TLR6: variants seen among roughly 807,000 people sequenced by gnomAD.
The protein encoded by TLR6 is toll like receptor 6.
TLR6 carries 9 observed loss-of-function variants against 16.1 expected under a neutral mutation model. The ratio of observed to expected loss-of-function variants is 0.56; its 90% CI spans 0.34 to 0.98. The LOEUF (loss-of-function observed/expected upper bound fraction) is 0.98, where lower values mean the gene tolerates loss of function less well. Ranked by LOEUF, TLR6 falls within the 50% of genes least tolerant of loss-of-function variation. The pLI is 0.02. For missense variants in TLR6, 786 were observed against 921.0 expected (o/e 0.85, Z 1.90); for synonymous variants, 340 against 338.6 (o/e 1.00, Z -0.04).
rs1259910398 is a variant in TLR6 at position 38,827,229 on chromosome 4, G to A, written c.2245C>T (p.His749Tyr). 6.2e-7 allele frequency: 1 copy of A among 1,614,042 alleles called. No homozygotes were observed. Among genetic ancestry groups the A allele is most frequent in the Admixed American group, 1.7e-5 (1 of 60,000 alleles). The stretch of plus-strand genomic sequence containing the variant: ...TGCGTCATGAGAGCCTTCAGCTTGT[G>A]GTACTTGTTGGGAATGCTGTTCTGT... Residue 749 changes from histidine to tyrosine, a missense_variant, in exon 2 of 2, where the codon CAC becomes TAC. By Grantham distance (83) the His-to-Tyr change is moderately conservative. Coordinates refer to ENST00000436693, the Ensembl canonical transcript of TLR6.
chr4:38,860,373 G>A (rs565831623), upstream of TLR6, among the ~76,000 whole-genome samples: 1 of 152,202 alleles, frequency 6.6e-6, no homozygotes, highest in African/African-American at 2.4e-5. Flanking sequence ...TCAGGAGCCT[G>A]AGGCACGAGA....
intron 1 of TLR6, among the ~76,000 whole-genome samples, chr4:38,847,061 C>A (rs1380331691): frequency 6.6e-6 from 1 of 152,050 alleles, no homozygotes; most frequent in African/African-American, 2.4e-5. Context: ...CTATCATTAA[C>A]AAGTCTATAA....
downstream of TLR6, among the ~76,000 whole-genome samples, chr4:38,823,102 C>T (rs1008775080): frequency 2.6e-5 from 4 of 152,128 alleles, no homozygotes; most frequent in Non-Finnish European, 5.9e-5. Flanking sequence ...GGAAAAGACC[C>T]GCCCCCATGA....
the TLR6 span, among the ~76,000 whole-genome samples, chr4:38,862,995 T>C: frequency 6.7e-6 from 1 of 148,680 alleles, no homozygotes; most frequent in South Asian, 2.2e-4. Context: ...TGCTCCTCTA[T>C]ATACCAGAAC....
intron 1 of TLR6, among the ~76,000 whole-genome samples, chr4:38,836,366 T>C (rs1208772659): frequency 6.6e-6 from 1 of 152,042 alleles, no homozygotes; most frequent in Non-Finnish European, 1.5e-5. Flanking sequence ...TGTTAACAAA[T>C]TGGAAACCCT....
intron 1 of TLR6, among the ~76,000 whole-genome samples, chr4:38,838,844 A>G (rs1448122601): frequency 1.3e-5 from 2 of 150,944 alleles, no homozygotes; most frequent in Admixed American, 6.6e-5. Flanking sequence ...TATTGTAGTT[A>G]CCCCATAAAT....
upstream of TLR6, among the ~76,000 whole-genome samples, chr4:38,861,180 TTCA>T (rs1339389860): frequency 6.6e-6 from 1 of 151,878 alleles, no homozygotes; most frequent in African/African-American, 2.4e-5. Flanking sequence ...GCCCCATCAC[TTCA>T]TCAAGTATTC....
the TLR6 span, among the ~76,000 whole-genome samples, chr4:38,867,487 C>T: frequency 6.6e-6 from 1 of 152,180 alleles, no homozygotes; most frequent in East Asian, 1.9e-4. Flanking sequence ...GCGACCTCTT[C>T]CCAGTGACAC....
At chr4:38,834,725 GAATGGGAT>G (rs1207208137) in intron 1 of TLR6, among the ~76,000 whole-genome samples, 1 of 152,162 alleles carries the variant, frequency 6.6e-6, no homozygotes, top group African/African-American at 2.4e-5. Flanking sequence ...GGCCAGGAGA[GAATGGGAT>G]AATATACTCA....
the TLR6 span, among the ~76,000 whole-genome samples, chr4:38,865,515 G>A: frequency 5.9e-5 from 9 of 152,130 alleles, no homozygotes; most frequent in Admixed American, 1.3e-4. Context: ...GGGCTGTTAC[G>A]GCACAGCAGG....
chr4:38,829,557 T>C lies in TLR6; in HGVS notation c.-64-20A>G, dbSNP rs1727734498. 4 of 771,970 alleles carry C rather than the reference T, an allele frequency of 5.2e-6. No individual in the cohort carries two copies. Among genetic ancestry groups the C allele is most frequent in the Non-Finnish European group, 6.3e-6 (3 of 473,982 alleles). 47.8% of individuals were successfully genotyped at this position (771,970 alleles called of 1,614,324 possible). On this transcript the variant is annotated intron_variant, in intron 1 of 1. Coordinates refer to ENST00000436693, the Ensembl canonical transcript of TLR6. ...CAAATTCTAGAAATATAATATACAC[T>C]AAGATTAATAAAGATCGGATGGTTA...
At chr4:38,827,454 G>A in exon 2 of TLR6, 1 of 1,614,224 alleles carries the variant, frequency 6.2e-7, no homozygotes. Flanking sequence ...TTTCTCTCAT[G>A]AAGACAAATC....
exon 2 of TLR6, chr4:38,829,482 A>G: frequency 6.4e-7 from 1 of 1,570,626 alleles, no homozygotes; most frequent in East Asian, 2.2e-5. Flanking sequence ...ATGATGTTGC[A>G]GTGGCTATCC....
chr4:38,827,839 G>A (rs369506555), exon 2 of TLR6: 1 of 1,614,094 alleles, frequency 6.2e-7, no homozygotes, highest in African/African-American at 1.3e-5. Flanking sequence ...TTGATACTTG[G>A]TCTATATTTT....
intron 1 of TLR6, 32 bp downstream of exon 1, chr4:38,856,729 T>C (rs1713006565): frequency 6.6e-6 from 1 of 152,266 alleles, no homozygotes; most frequent in South Asian, 2.1e-4. Flanking sequence ...TGTGCCATAA[T>C]GTGAAAAAGC....
rs137853182 is a variant in TLR6, at chr4:38,828,149, T to G, written c.1325A>C (p.Asp442Ala). Residue 442 changes from aspartate to alanine, a missense_variant, in exon 2 of 2, where the codon GAC becomes GCC. Coordinates refer to ENST00000436693, the Ensembl canonical transcript of TLR6. ...GGGAGGTAAACATCTGAAAACAGAG[T>G]CAGTAAGCATATTTGAAGACAAATT... 6.0e-5 allele frequency: 97 copies of G among 1,614,154 alleles called. No individual in the cohort carries two copies. In the African/African-American group the frequency reaches 1.2e-3, roughly 21 times the overall value.
At chr4:38,839,842 T>C (rs12640631) in intron 1 of TLR6, among the ~76,000 whole-genome samples, 4,979 of 152,250 alleles carry the variant, frequency 0.033, 238 homozygotes, top group East Asian at 0.093. Context: ...TATTGGGGCA[T>C]TTGGGTATGA....
At chr4:38,861,698 T>C (rs1309067081), upstream of TLR6, among the ~76,000 whole-genome samples, 3 of 152,140 alleles carry the variant, frequency 2.0e-5, no homozygotes. Context: ...CTACCCTCCT[T>C]ACTACCCTTC....
chr4:38,866,724 T>G, the TLR6 span, among the ~76,000 whole-genome samples: 9 of 152,044 alleles, frequency 5.9e-5, no homozygotes, highest in African/African-American at 2.2e-4. Flanking sequence ...CATCTCGCCA[T>G]TTTTATAAAA....
Sources: allele counts gnomAD v4.1 joint callset (sites outside exome capture counted in the v4.1 genomes callset), GRCh38; gene constraint gnomAD v4.1.1; transcripts MANE v1.5; gene names NCBI Gene and HGNC (gene_info 2026-07-23, HGNC 2026-07-21).